LIMCH1: variants seen among roughly 807,000 people sequenced by gnomAD.
LIMCH1 encodes LIM and calponin homology domains-containing protein 1.
Under a neutral mutation model 176.5 loss-of-function variants are expected in LIMCH1, and 113 were observed. The ratio of observed to expected loss-of-function variants is 0.64; its 90% CI spans 0.55 to 0.75. LIMCH1 has a LOEUF of 0.75. Ranked by LOEUF, LIMCH1 falls within the 30% of genes least tolerant of loss-of-function variation. LIMCH1 has a pLI of 0.00. For synonymous variants in LIMCH1, 619 were observed against 645.9 expected, an observed-to-expected ratio of 0.96 and a Z score of 0.63; for missense variants, 1,674 against 1,814.9, an observed-to-expected ratio of 0.92 and a Z score of 1.41.
Position 41,398,394 on chromosome 4 carries a change from C to T in LIMCH1, c.96+37458C>T, listed in dbSNP as rs560530110. 2.6e-5 allele frequency among the ~76,000 whole-genome samples: 4 copies of T among 152,126 alleles called. No individual in the cohort carries two copies. The East Asian group carries it at 7.7e-4, about 29-fold the overall frequency. On this transcript the variant is annotated intron_variant, in intron 1 of 26. Transcript: ENST00000313860. ...TGGGCTCATCAATTTCCGTACTTTT[C>T]CGTCATCCAACTGAGTTTTGTGGGT...
At chr4:41,384,787 G>A (rs115691540) in intron 1 of LIMCH1, among the ~76,000 whole-genome samples, 20 of 152,212 alleles carry the variant, frequency 1.3e-4, no homozygotes, top group East Asian at 1.9e-4. Flanking sequence ...TAAGTACAGC[G>A]TTGTCTTCAA....
intron 13 of LIMCH1, 146 bp downstream of exon 13, chr4:41,633,954 A>G: frequency 1.2e-6 from 1 of 867,970 alleles, no homozygotes; most frequent in Non-Finnish European, 1.7e-6. Context: ...ATCTGCGAAG[A>G]AATTTTTCCT....
At chr4:41,676,972 G>GA in intron 23 of LIMCH1, among the ~76,000 whole-genome samples, 1 of 152,084 alleles carries the variant, frequency 6.6e-6, no homozygotes, top group African/African-American at 2.4e-5. Flanking sequence ...AGACCAGCCT[G>GA]GCCAACATGA....
intron 1 of LIMCH1, among the ~76,000 whole-genome samples, chr4:41,373,062 G>A (rs539085717): frequency 1.1e-4 from 16 of 152,338 alleles, no homozygotes; most frequent in Non-Finnish European, 2.4e-4. Flanking sequence ...CCACCTGGAA[G>A]GATGGACGCT....
chr4:41,577,422 G>T (rs116445778), intron 1 of LIMCH1, among the ~76,000 whole-genome samples: 19 of 152,194 alleles, frequency 1.2e-4, no homozygotes, highest in African/African-American at 4.3e-4. Context: ...TCAGTTGCAA[G>T]TGATTTATTT....
chr4:41,418,628 T>TTGTTGCC (rs1165383366), intron 1 of LIMCH1: 1 of 152,186 alleles, frequency 6.6e-6, no homozygotes, highest in East Asian at 1.9e-4. Context: ...CCAACTCTGA[T>TTGTTGCC]TGTTGCCTCA....
intron 1 of LIMCH1, among the ~76,000 whole-genome samples, chr4:41,570,571 A>G (rs2083407644): frequency 1.3e-5 from 2 of 152,156 alleles, no homozygotes; most frequent in African/African-American, 4.8e-5. Flanking sequence ...CCTGGTTTGG[A>G]CCTGTGCACT....
intron 1 of LIMCH1, among the ~76,000 whole-genome samples, chr4:41,583,408 G>A (rs1441659764): frequency 5.9e-5 from 9 of 152,154 alleles, no homozygotes; most frequent in African/African-American, 2.2e-4. Context: ...TATGCAATGT[G>A]TTAACTCGTT....
intron 3 of LIMCH1, among the ~76,000 whole-genome samples, chr4:41,531,312 T>C (rs1269931914): frequency 6.6e-6 from 1 of 152,048 alleles, no homozygotes; most frequent in Non-Finnish European, 1.5e-5. Context: ...ATGGCCACTA[T>C]CAAATCAGGC....
chr4:41,591,853 G>A (rs2152723927), intron 1 of LIMCH1, among the ~76,000 whole-genome samples: 1 of 152,320 alleles, frequency 6.6e-6, no homozygotes, highest in South Asian at 2.1e-4. Context: ...ACAGAAGGGA[G>A]CTTCTCATTC....
chr4:41,582,643 C>T (rs183745646), intron 1 of LIMCH1, among the ~76,000 whole-genome samples: 175 of 152,226 alleles, frequency 1.1e-3, no homozygotes, highest in Non-Finnish European at 1.8e-3. Flanking sequence ...TTCACTTTCT[C>T]ATCTGGAAAA....
chr4:41,683,315 C>T (rs1717817295), intron 26 of LIMCH1, among the ~76,000 whole-genome samples: 1 of 152,082 alleles, frequency 6.6e-6, no homozygotes, highest in Non-Finnish European at 1.5e-5. Flanking sequence ...GCTAGAGACC[C>T]CCTGGAGCGC....
At chr4:41,454,398 T>C (rs1389156937) in intron 1 of LIMCH1, among the ~76,000 whole-genome samples, 1 of 152,022 alleles carries the variant, frequency 6.6e-6, no homozygotes, top group African/African-American at 2.4e-5. Flanking sequence ...TTATGTTTGC[T>C]AATGGAAATT....
intron 1 of LIMCH1, among the ~76,000 whole-genome samples, chr4:41,468,935 C>T (rs778789937): frequency 6.6e-5 from 10 of 152,174 alleles, no homozygotes; most frequent in Admixed American, 2.6e-4. Flanking sequence ...CTGGGAAACA[C>T]AGGCAAAGTG....
intron 4 of LIMCH1, among the ~76,000 whole-genome samples, chr4:41,607,987 C>T (rs1261103469): frequency 6.6e-6 from 1 of 152,136 alleles, no homozygotes; most frequent in African/African-American, 2.4e-5. Context: ...TCGGGTTCAG[C>T]TGGGAAACAC....
rs1478511446 is a variant in LIMCH1 at position 41,619,321 on chromosome 4, C to A, written c.339C>A (p.Asn113Lys). The A allele has an allele frequency of 6.2e-7, 1 of 1,614,076 alleles. No homozygotes were observed. The change falls in exon 6 of 32, where the codon AAC (asparagine) becomes AAA (lysine). Residue 113 changes from asparagine to lysine, a missense_variant. Transcript: ENST00000503057. Reference sequence around the variant, plus strand: ...TGCCTTTTAACCAGTACCTCCCGAACAAAAGCAATCAGACGGCCTACGTCC... The same window carrying A: ...TGCCTTTTAACCAGTACCTCCCGAAAAAAAGCAATCAGACGGCCTACGTCC... ...SAVPFNQYLP[N>K]KSNQTAYVPA...
At chr4:41,405,502 C>T (rs1282240747) in intron 1 of LIMCH1, among the ~76,000 whole-genome samples, 2 of 152,056 alleles carry the variant, frequency 1.3e-5, no homozygotes, top group Non-Finnish European at 2.9e-5. Context: ...TTTGCTTGGT[C>T]TTGTGTATTT....
chr4:41,588,014 C>T (rs1180320329), intron 1 of LIMCH1, among the ~76,000 whole-genome samples: 1 of 151,732 alleles, frequency 6.6e-6, no homozygotes, highest in Non-Finnish European at 1.5e-5. Context: ...ATACATGTGC[C>T]ATGCTGGTGT....
At chr4:41,670,765 C>T (rs1201318349) in intron 21 of LIMCH1, 3 of 1,535,752 alleles carry the variant, frequency 2.0e-6, no homozygotes, top group African/African-American at 1.4e-5. Flanking sequence ...GAACTCTTGG[C>T]GACGATCCCA....
Sources: gnomAD v4.1 joint callset for allele counts (sites outside exome capture counted in the v4.1 genomes callset) on GRCh38, gnomAD v4.1.1 for gene constraint, MANE v1.5 for transcripts, NCBI Gene and HGNC (gene_info 2026-07-23, HGNC 2026-07-21) for gene names.